Variants in ZNRF3 observed in about 807,000 individuals in gnomAD.
ZNRF3 encodes zinc and ring finger 3.
ZNRF3 carries 23 observed loss-of-function variants against 72.5 expected under a neutral mutation model. The observed-to-expected ratio is 0.32, with a 90% CI of 0.23 to 0.45. The LOEUF (loss-of-function observed/expected upper bound fraction) is 0.45. Ranked by LOEUF, ZNRF3 falls within the 20% of genes least tolerant of loss-of-function variation. The probability of loss-of-function intolerance (pLI) is 1.00; values close to 1 mark genes in which losing one functional copy is unlikely to be tolerated. For missense variants in ZNRF3, 1,169 were observed against 1,272.1 expected, an observed-to-expected ratio of 0.92 and a Z score of 1.23; for synonymous variants, 610 against 545.3, an observed-to-expected ratio of 1.12 and a Z score of -1.65.
rs745405248 is a variant in ZNRF3, at chr22:29,042,587, T to C, written c.501+18T>C. 3.7e-6 allele frequency: 6 copies of C among 1,611,118 alleles called. No individual in the cohort carries two copies. Among genetic ancestry groups the C allele is most frequent in the Non-Finnish European group, 4.2e-6 (5 of 1,178,686 alleles). Reference sequence around the variant, plus strand: ...TTGATCAGGTAAGCTCCTCAGGCCATGCCAACACTGCAGCCTCCCTGAGAA... The same window carrying C: ...TTGATCAGGTAAGCTCCTCAGGCCACGCCAACACTGCAGCCTCCCTGAGAA... On this transcript the variant is annotated intron_variant, in intron 3 of 8. Transcript: ENST00000544604.
chr22:29,017,841 C>T (rs1045747317), intron 2 of ZNRF3, among the ~76,000 whole-genome samples: 3 of 152,056 alleles, frequency 2.0e-5, no homozygotes, highest in Non-Finnish European at 4.4e-5. Flanking sequence ...ATAGAGGCTA[C>T]GCTGGTATAG....
intron 2 of ZNRF3, chr22:29,031,172 A>T (rs1169422500): frequency 6.6e-6 from 1 of 152,318 alleles, no homozygotes; most frequent in Non-Finnish European, 1.5e-5. Context: ...AGTTTGGCTT[A>T]GTAAAATCAT....
At chr22:28,908,425 C>A (rs189110471) in intron 1 of ZNRF3, among the ~76,000 whole-genome samples, 7 of 152,074 alleles carry the variant, frequency 4.6e-5, no homozygotes, top group African/African-American at 1.7e-4. Context: ...AGCGTTGGGC[C>A]GTGTGCAAGT....
intron 2 of ZNRF3, chr22:29,024,938 G>A (rs1031786325): frequency 2.0e-5 from 3 of 150,344 alleles, no homozygotes; most frequent in African/African-American, 7.3e-5. Context: ...ATGGCCATGT[G>A]AGTGGATAAT....
At chr22:28,931,534 T>C (rs1231614570) in intron 1 of ZNRF3, among the ~76,000 whole-genome samples, 1 of 152,184 alleles carries the variant, frequency 6.6e-6, no homozygotes, top group Non-Finnish European at 1.5e-5. Context: ...CTCTCTTCAG[T>C]GCAGCAGAAA....
At chr22:28,895,615 C>T (rs549941545) in intron 1 of ZNRF3, among the ~76,000 whole-genome samples, 6 of 152,176 alleles carry the variant, frequency 3.9e-5, no homozygotes, top group African/African-American at 9.6e-5. Context: ...TACAGTGAGC[C>T]GAGATTGCGC....
intron 1 of ZNRF3, among the ~76,000 whole-genome samples, chr22:28,887,408 C>CAGAGAG (rs139449685): frequency 1.3e-5 from 2 of 149,928 alleles, no homozygotes; most frequent in African/African-American, 2.4e-5. Context: ...TTGTCAGTGT[C>CAGAGAG]AGAGAGAGAG....
intron 1 of ZNRF3, among the ~76,000 whole-genome samples, chr22:28,903,699 A>G (rs948676684): frequency 2.6e-5 from 4 of 152,018 alleles, no homozygotes; most frequent in African/African-American, 9.7e-5. Context: ...GGTGCTAGGA[A>G]ATTGCCCCTT....
chr22:28,980,229 G>A (rs1423035321), intron 1 of ZNRF3, among the ~76,000 whole-genome samples: 5 of 152,088 alleles, frequency 3.3e-5, no homozygotes, highest in Non-Finnish European at 5.9e-5. Context: ...GTGGGTGGAG[G>A]GGGGGAAGGG....
At chr22:28,947,561 A>G (rs1474401762) in intron 1 of ZNRF3, among the ~76,000 whole-genome samples, 1 of 152,144 alleles carries the variant, frequency 6.6e-6, no homozygotes, top group African/African-American at 2.4e-5. Flanking sequence ...CTATATTAGC[A>G]GGTATGAAGT....
rs1194817444 is a variant in ZNRF3 at position 29,056,255 on chromosome 22, C to T, written c.*2633C>T. On this transcript the variant is annotated 3_prime_UTR_variant, in exon 9 of 9. Transcript: ENST00000544604. ...TAGCTGGGATTACAGGCATGCGCCA[C>T]CACACCCAGCTAATTTTGTATTTTT... is the stretch of plus-strand genomic sequence containing the variant. 6.6e-6 allele frequency: 1 copy of T among 152,240 alleles called. No homozygotes were observed. The highest frequency in any genetic ancestry group is 2.4e-5 in the African/African-American group (1 of 41,460). 9.4% of individuals were successfully genotyped at this position (152,240 alleles called of 1,614,324 possible).
At chr22:28,912,645 A>G (rs1207645421) in intron 1 of ZNRF3, among the ~76,000 whole-genome samples, 1 of 147,400 alleles carries the variant, frequency 6.8e-6, no homozygotes, top group Non-Finnish European at 1.5e-5. Context: ...GCTCAGGGAC[A>G]CGGTTTTCTT....
At position 28,930,181 on chromosome 22, in the gene ZNRF3, C is replaced by T. The variant is rs143897200; in HGVS notation, c.300+46115C>T. ...TGTTTTTTTTGTAGTTATTTGCCTTCATTTAGTCTTTCTATCCAAAGTATA... is the reference window on the plus strand; with the variant it reads ...TGTTTTTTTTGTAGTTATTTGCCTTTATTTAGTCTTTCTATCCAAAGTATA... On this transcript the variant is annotated intron_variant, in intron 1 of 8. Coordinates refer to ENST00000544604, the MANE Select transcript of ZNRF3 (RefSeq NM_001206998.2). Among the ~76,000 whole-genome samples, 1,200 of 152,026 alleles carry T rather than the reference C, an allele frequency of 7.9e-3. 17 individuals carry two copies. Among genetic ancestry groups the T allele is most frequent in the African/African-American group, 0.028 (1,159 of 41,450 alleles).
chr22:28,892,154 C>G (rs991203660), intron 1 of ZNRF3, among the ~76,000 whole-genome samples: 5 of 152,216 alleles, frequency 3.3e-5, no homozygotes, highest in African/African-American at 1.2e-4. Context: ...GTTGTTAAAA[C>G]TTACCACGAG....
intron 1 of ZNRF3, among the ~76,000 whole-genome samples, chr22:28,939,014 G>A (rs1182442577): frequency 6.6e-6 from 1 of 152,196 alleles, no homozygotes; most frequent in South Asian, 2.1e-4. Context: ...GCCAGGCACG[G>A]TGGCTCATGC....
At chr22:28,985,377 G>A (rs996734342) in intron 1 of ZNRF3, among the ~76,000 whole-genome samples, 1 of 151,950 alleles carries the variant, frequency 6.6e-6, no homozygotes, top group Non-Finnish European at 1.5e-5. Flanking sequence ...CCCGGGCTTG[G>A]AACTGACCTC....
At chr22:28,916,363 AT>A (rs2123764600) in intron 1 of ZNRF3, among the ~76,000 whole-genome samples, 1 of 151,008 alleles carries the variant, frequency 6.6e-6, no homozygotes, top group South Asian at 2.1e-4. Flanking sequence ...CCTGGCTGAG[AT>A]TTTTATTTTT....
intron 2 of ZNRF3, among the ~76,000 whole-genome samples, chr22:29,032,862 T>G (rs555260850): frequency 6.6e-6 from 1 of 152,306 alleles, no homozygotes; most frequent in African/African-American, 2.4e-5. Context: ...CAGTGTGATG[T>G]CATAAGTGCC....
At chr22:28,922,902 A>G (rs1370423593) in intron 1 of ZNRF3, among the ~76,000 whole-genome samples, 1 of 152,190 alleles carries the variant, frequency 6.6e-6, no homozygotes, top group Non-Finnish European at 1.5e-5. Context: ...GTGTAAAGAC[A>G]CAGGGCCAGC....
Sources: allele counts gnomAD v4.1 joint callset (sites outside exome capture counted in the v4.1 genomes callset), GRCh38; gene constraint gnomAD v4.1.1; transcripts MANE v1.5; gene names NCBI Gene and HGNC (gene_info 2026-07-23, HGNC 2026-07-21).